Variants in LCOR observed in about 807,000 individuals in gnomAD.
LCOR encodes ligand dependent nuclear receptor corepressor.
In LCOR, 14 loss-of-function variants were observed where a neutral mutation model predicts 64.4. The ratio of observed to expected loss-of-function variants is 0.22; its 90% CI spans 0.14 to 0.34. The LOEUF (loss-of-function observed/expected upper bound fraction) is 0.34, where lower values mean the gene tolerates loss of function less well. Ranked by LOEUF, LCOR falls within the 10% of genes least tolerant of loss-of-function variation. LCOR has a pLI of 1.00. For synonymous variants in LCOR, 643 were observed against 642.5 expected (o/e 1.00, Z -0.01); for missense variants, 1,686 against 1,765.3 (o/e 0.96, Z 0.80).
chr10:96,888,066 C>T (rs1394763010), intron 2 of LCOR, among the ~76,000 whole-genome samples: 1 of 150,990 alleles, frequency 6.6e-6, no homozygotes, highest in Admixed American at 6.6e-5. Context: ...CAAACATTGT[C>T]TTAAAAATGA....
At chr10:96,921,329 G>A (rs116368257) in intron 4 of LCOR, among the ~76,000 whole-genome samples, 547 of 152,138 alleles carry the variant, frequency 3.6e-3, no homozygotes, top group African/African-American at 0.012. Flanking sequence ...ATCCAGTGTC[G>A]TGAAGCTTTC....
At position 96,990,925 on chromosome 10, in the gene LCOR, A is replaced by G. The variant is rs570662992; in HGVS notation, c.*5791A>G. ...CTCAATATGCATGCCTCATGAAAGC[A>G]TAGACTGTCCATTTAAAAAAAAATC... On this transcript the variant is annotated 3_prime_UTR_variant, in exon 8 of 8. Transcript: ENST00000421806. 52 of 151,798 alleles carry G rather than the reference A, an allele frequency of 3.4e-4. 1 individual carries two copies. The highest frequency in any genetic ancestry group is 1.1e-3 in the African/African-American group (44 of 41,386). 9.4% of individuals were successfully genotyped at this position (151,798 alleles called of 1,614,324 possible).
intron 7 of LCOR, among the ~76,000 whole-genome samples, chr10:96,954,704 C>G (rs1191734316): frequency 6.6e-6 from 1 of 152,026 alleles, no homozygotes; most frequent in Non-Finnish European, 1.5e-5. Context: ...CAGAGACCGG[C>G]TGACAGGTTT....
At position 96,888,532 on chromosome 10, in the gene LCOR, T is replaced by A. The variant is rs188562360; in HGVS notation, c.-329-18733T>A. On this transcript the variant is annotated intron_variant, in intron 2 of 7. Coordinates refer to ENST00000421806, the MANE Select transcript of LCOR (RefSeq NM_001346516.2). ...AGTGATATTAACAAATGTAATTTTTTTTTGGTGTTACATTGTGTGATGGAA... is the reference window on the plus strand; with the variant it reads ...AGTGATATTAACAAATGTAATTTTTATTTGGTGTTACATTGTGTGATGGAA... 3.3e-5 allele frequency among the ~76,000 whole-genome samples: 5 copies of A among 152,240 alleles called. No homozygotes were observed. In the East Asian group the frequency reaches 9.6e-4, roughly 29 times the overall value.
At chr10:96,929,933 T>A (rs1847228783) in intron 4 of LCOR, among the ~76,000 whole-genome samples, 2 of 152,170 alleles carry the variant, frequency 1.3e-5, no homozygotes, top group Admixed American at 6.5e-5. Flanking sequence ...AGAACACACC[T>A]AACATTTATC....
Position 96,952,180 on chromosome 10 carries a change from A to T in LCOR, c.316A>T (p.Ser106Cys), listed in dbSNP as rs750314587. 5 of 1,613,178 alleles carry T rather than the reference A, an allele frequency of 3.1e-6. No homozygotes were observed. The highest frequency in any genetic ancestry group is 4.2e-6 in the Non-Finnish European group (5 of 1,179,204). Residue 106 changes from serine to cysteine, a missense_variant, in exon 7 of 8, where the codon AGT becomes TGT. Physicochemically the swap from Ser to Cys is moderately radical, Grantham distance 112. Transcript: ENST00000421806. ...TSLSHSPGCSSTQGNGENSTE... is the reference protein window; with the variant it reads ...TSLSHSPGCSCTQGNGENSTE... ...CCTGAGCCACTCTCCAGGCTGCTCC[A>T]GTACTCAAGGGAACGGGTAAGGGAG...
Position 96,984,756 on chromosome 10 carries a change from T to G in LCOR, c.4296T>G (p.Pro1432=). The G allele has an allele frequency of 6.2e-7, 1 of 1,613,652 alleles. No homozygotes were observed. The highest frequency in any genetic ancestry group is 8.5e-7 in the Non-Finnish European group (1 of 1,179,924). Residue 1432 remains proline, a synonymous_variant, in exon 8 of 8, where the codon CCT becomes CCG. Transcript: ENST00000421806. ...EKHADGATKT[P]AAKRPAARDR... ...ATGCTGATGGAGCCACCAAAACCCC[T>G]GCTGCCAAGAGGCCAGCTGCAAGGG...
chr10:96,839,173 CATTT>C (rs568098113), intron 2 of LCOR, among the ~76,000 whole-genome samples: 5 of 152,156 alleles, frequency 3.3e-5, no homozygotes, highest in Non-Finnish European at 7.4e-5. Flanking sequence ...TTTGGAGATA[CATTT>C]ATTCAGATCC....
chr10:96,951,435 A>G (rs1359228478), intron 6 of LCOR, among the ~76,000 whole-genome samples: 3 of 152,108 alleles, frequency 2.0e-5, no homozygotes, highest in Non-Finnish European at 2.9e-5. Flanking sequence ...AAATTCAGCA[A>G]TTGAATTTTG....
In LCOR at chr10:96,984,767, G is replaced by A. The variant is rs374647981; in HGVS notation, c.4307G>A (p.Arg1436Lys). ...DGATKTPAAK[R>K]PAARDRSSQP... The stretch of plus-strand genomic sequence containing the variant: ...GCCACCAAAACCCCTGCTGCCAAGA[G>A]GCCAGCTGCAAGGGACAGAAGCAGC... Residue 1436 changes from arginine (R) to lysine (K), a missense_variant, in exon 8 of 8, where the codon AGG becomes AAG. Physicochemically the swap from Arg to Lys is conservative, Grantham distance 26 (BLOSUM62 2). Around this residue, in one of 3 missense-constraint regions of LCOR, gnomAD observed 1,293 missense variants for 1,410.4 expected, o/e 0.92. Transcript: ENST00000421806. 31 of 1,613,662 alleles carry A rather than the reference G, an allele frequency of 1.9e-5. No individual in the cohort carries two copies. The African/African-American group carries it at 3.9e-4, about 20-fold the overall frequency.
At chr10:96,837,192 G>T (rs554506883) in intron 2 of LCOR, among the ~76,000 whole-genome samples, 2 of 152,056 alleles carry the variant, frequency 1.3e-5, no homozygotes, top group Non-Finnish European at 2.9e-5. Flanking sequence ...GGGTTTCACC[G>T]TGTTAGCCAG....
rs1467340948 is a variant in LCOR, at chr10:96,839,899, G to A, written c.-330+6420G>A. 8.5e-5 allele frequency among the ~76,000 whole-genome samples: 13 copies of A among 152,308 alleles called. No homozygotes were observed. In the South Asian group the frequency reaches 1.2e-3, roughly 15 times the overall value. On this transcript the variant is annotated intron_variant, in intron 2 of 7. Transcript: ENST00000421806. ...GACAGGGTTTCACCCTTTTGGCCAG[G>A]CTGGTCTCAAACTCCTGACGTTCCG...
In LCOR at chr10:96,985,744, T is replaced by G. The variant is rs1848143932; in HGVS notation, c.*610T>G. 1 of 166,946 alleles carries G rather than the reference T, an allele frequency of 6.0e-6. No individual in the cohort carries two copies. Among genetic ancestry groups the G allele is most frequent in the Non-Finnish European group, 1.5e-5 (1 of 68,130 alleles). 10.3% of individuals were successfully genotyped at this position (166,946 alleles called of 1,614,324 possible). ...TACCCCCTTTTAAAAAAGATCATGTTCATTGTTGGTCCCTCCTCTCACCTT... is the reference window on the plus strand; with the variant it reads ...TACCCCCTTTTAAAAAAGATCATGTGCATTGTTGGTCCCTCCTCTCACCTT... On this transcript the variant is annotated 3_prime_UTR_variant, in exon 8 of 8. Coordinates refer to ENST00000421806, the MANE Select transcript of LCOR (RefSeq NM_001346516.2).
At chr10:96,926,431 ATATCT>A (rs2134481901) in intron 4 of LCOR, among the ~76,000 whole-genome samples, 2 of 152,342 alleles carry the variant, frequency 1.3e-5, no homozygotes, top group African/African-American at 4.8e-5. Flanking sequence ...TCTTTGTGAC[ATATCT>A]TTGTGACACA....
intron 7 of LCOR, among the ~76,000 whole-genome samples, chr10:96,967,090 T>C (rs964729647): frequency 3.3e-5 from 5 of 152,210 alleles, no homozygotes; most frequent in African/African-American, 1.2e-4. Flanking sequence ...TGACTAGTCA[T>C]TTTTTAATGT....
intron 2 of LCOR, among the ~76,000 whole-genome samples, chr10:96,869,972 G>C (rs1485412777): frequency 6.6e-6 from 1 of 152,164 alleles, no homozygotes; most frequent in Non-Finnish European, 1.5e-5. Flanking sequence ...TTAAGCCTAA[G>C]CTAGTAAATG....
intron 2 of LCOR, among the ~76,000 whole-genome samples, chr10:96,880,281 G>GT (rs893000762): frequency 6.6e-6 from 1 of 152,184 alleles, no homozygotes; most frequent in Non-Finnish European, 1.5e-5. Flanking sequence ...TATATCATTG[G>GT]TTTTCCCTGG....
At chr10:96,897,555 G>A (rs77872948) in intron 2 of LCOR, among the ~76,000 whole-genome samples, 2,163 of 152,208 alleles carry the variant, frequency 0.014, 21 homozygotes, top group Non-Finnish European at 0.023. Flanking sequence ...TGTGATTTTG[G>A]TAACTTATTT....
chr10:96,962,859 A>G (rs953867186), intron 7 of LCOR: 13 of 152,230 alleles, frequency 8.5e-5, no homozygotes, highest in African/African-American at 3.1e-4. Flanking sequence ...TTATCAGTCC[A>G]CATTGTTGAA....
Sources: allele counts gnomAD v4.1 joint callset (sites outside exome capture counted in the v4.1 genomes callset), GRCh38; gene constraint gnomAD v4.1.1; regional missense constraint gnomAD v4.1.1; transcripts MANE v1.5; gene names NCBI Gene and HGNC (gene_info 2026-07-23, HGNC 2026-07-21).